Variants in NDRG1 observed in about 807,000 individuals in gnomAD.
The protein encoded by NDRG1 is N-myc downstream regulated 1.
In NDRG1, 32 loss-of-function variants were observed where a neutral mutation model predicts 56.9. The observed-to-expected ratio is 0.56, with a 90% CI of 0.42 to 0.76. NDRG1 has a LOEUF of 0.76. Ranked by LOEUF, NDRG1 falls within the 30% of genes least tolerant of loss-of-function variation. The pLI is 0.00. For missense variants in NDRG1, 507 were observed against 545.7 expected (o/e 0.93, Z 0.71); for synonymous variants, 211 against 204.1 (o/e 1.03, Z -0.29).
At chr8:133,284,066 A>C (rs1857962267) in intron 2 of NDRG1, among the ~76,000 whole-genome samples, 183 bp downstream of exon 2, 1 of 152,202 alleles carries the variant, frequency 6.6e-6, no homozygotes, top group Non-Finnish European at 1.5e-5. Context: ...GTGTGTACGC[A>C]TGTGTGTCTG....
rs181825078 is a variant in NDRG1 at position 133,254,883 on chromosome 8, C to T, written c.538-288G>A. On this transcript the variant is annotated intron_variant, in intron 8 of 15. Transcript: ENST00000323851. ...TGAATAAAGACCCAGCTACTGCTAG[C>T]TTACCCTGCTCCAAACATTCACCAA... 3.3e-4 allele frequency: 148 copies of T among 453,394 alleles called. 2 individuals are homozygous for T. In the East Asian group the frequency reaches 5.7e-3, roughly 18 times the overall value. 28.1% of individuals were successfully genotyped at this position (453,394 alleles called of 1,614,324 possible). A position where few individuals can be genotyped will look rare whatever the true frequency, so the allele number is the denominator to read the frequency against.
rs535396194 is a variant in NDRG1, at chr8:133,238,820, G to C, written c.*58C>G. On this transcript the variant is annotated 3_prime_UTR_variant, in exon 16 of 16. Transcript: ENST00000323851. ...GGCAGGCAGGGGGCGAAAAGGGGCC[G>C]GGGAGGAGGGGGCCACTACAGAGAT... 6.6e-6 allele frequency: 10 copies of C among 1,518,168 alleles called. No homozygotes were observed. The highest frequency in any genetic ancestry group is 8.8e-6 in the Non-Finnish European group (10 of 1,135,792). 94.0% of individuals were successfully genotyped at this position (1,518,168 alleles called of 1,614,324 possible). A position where few individuals can be genotyped will look rare whatever the true frequency, so the allele number is the denominator to read the frequency against.
chr8:133,286,037 A>C (rs536498977), intron 1 of NDRG1, among the ~76,000 whole-genome samples: 1 of 152,262 alleles, frequency 6.6e-6, no homozygotes, highest in East Asian at 1.9e-4. Context: ...CCTGCTCAGC[A>C]AAGCGCGCCA....
intron 5 of NDRG1, among the ~76,000 whole-genome samples, chr8:133,261,324 G>A (rs192951147): frequency 6.6e-6 from 1 of 152,008 alleles, no homozygotes; most frequent in Non-Finnish European, 1.5e-5. Flanking sequence ...CGGAGACAGG[G>A]TTTCACCATG....
intron 1 of NDRG1, among the ~76,000 whole-genome samples, chr8:133,294,469 T>C (rs1478154413): frequency 3.3e-5 from 5 of 152,196 alleles, no homozygotes; most frequent in Non-Finnish European, 7.3e-5. Context: ...TCATCACGCT[T>C]TCTCTCCCAG....
At chr8:133,294,907 C>T (rs1027846940) in intron 1 of NDRG1, among the ~76,000 whole-genome samples, 1 of 152,214 alleles carries the variant, frequency 6.6e-6, no homozygotes, top group East Asian at 1.9e-4. Flanking sequence ...GAACCCTTTC[C>T]ACTGCCTTCA....
intron 1 of NDRG1, chr8:133,296,696 C>CACACAG (rs1554596966): frequency 2.0e-5 from 1 of 50,574 alleles, no homozygotes; most frequent in African/African-American, 7.1e-4. Flanking sequence ...CAGACACAGA[C>CACACAG]ACACACACAC....
At chr8:133,279,051 G>T (rs1857623627) in intron 3 of NDRG1, among the ~76,000 whole-genome samples, 2 of 152,100 alleles carry the variant, frequency 1.3e-5, no homozygotes, top group South Asian at 4.2e-4. Flanking sequence ...CACCATGCCT[G>T]GCTAATTTTT....
intron 5 of NDRG1, among the ~76,000 whole-genome samples, chr8:133,260,960 A>T (rs1398633916): frequency 1.3e-5 from 2 of 152,120 alleles, no homozygotes; most frequent in Non-Finnish European, 2.9e-5. Context: ...CACAAGGGGA[A>T]ATTGAAAGGC....
At chr8:133,247,384 T>C (rs1001537987) in intron 12 of NDRG1, among the ~76,000 whole-genome samples, 2 of 152,172 alleles carry the variant, frequency 1.3e-5, no homozygotes, top group African/African-American at 2.4e-5. Flanking sequence ...AAGTCTTCCA[T>C]CTCCCCAGCT....
intron 1 of NDRG1, among the ~76,000 whole-genome samples, chr8:133,292,002 A>G (rs1409233583): frequency 6.6e-6 from 1 of 152,132 alleles, no homozygotes; most frequent in Non-Finnish European, 1.5e-5. Context: ...CTTTTCTGCA[A>G]TACAACCGAG....
Position 133,237,503 on chromosome 8 carries a change from A to T in NDRG1, c.*1375T>A. The T allele has an allele frequency of 4.3e-6, 1 of 233,142 alleles. No individual in the cohort carries two copies. Among genetic ancestry groups the T allele is most frequent in the East Asian group, 6.0e-5 (1 of 16,580 alleles). The allele number at this position is 233,142 out of a possible 1,614,324, so 14.4% of individuals were successfully genotyped here. A position where few individuals can be genotyped will look rare whatever the true frequency, so the allele number is the denominator to read the frequency against. On this transcript the variant is annotated 3_prime_UTR_variant, in exon 16 of 16. Transcript: ENST00000323851. ...AGAAAATCCACGGTGAGCCAAAATGAAAAGTACAAGGCAGTAGTACAGGAA... is the reference window on the plus strand; with the variant it reads ...AGAAAATCCACGGTGAGCCAAAATGTAAAGTACAAGGCAGTAGTACAGGAA...
intron 11 of NDRG1, 44 bp downstream of exon 11, chr8:133,248,663 TTATAGTGG>T: frequency 1.2e-6 from 2 of 1,605,940 alleles, no homozygotes; most frequent in Admixed American, 3.3e-5. Context: ...AAGGCCACCT[TTATAGTGG>T]GCAGCCCCGA....
chr8:133,287,603 G>A (rs1858190407), intron 1 of NDRG1, among the ~76,000 whole-genome samples: 6 of 152,208 alleles, frequency 3.9e-5, no homozygotes, highest in Admixed American at 2.6e-4. Context: ...CAGAGCAGAT[G>A]CTGTCTGGAC....
chr8:133,254,236 G>A (rs185909096), intron 9 of NDRG1, among the ~76,000 whole-genome samples: 226 of 152,310 alleles, frequency 1.5e-3, no homozygotes, highest in Admixed American at 4.4e-3. Context: ...GAGTGATGGA[G>A]ACGTTATTCT....
rs769654928 is a variant in NDRG1, at chr8:133,238,896, G to A, written c.1167C>T (p.Ser389=). The A allele has an allele frequency of 1.9e-6, 3 of 1,556,474 alleles. No homozygotes were observed. In the Admixed American group the frequency reaches 5.8e-5, roughly 30 times the overall value. The stretch of plus-strand genomic sequence containing the variant: ...AGGCCGCCTAGCAGGAGACCTCCAT[G>A]GACTTGGGCCCGGCGCTGTTCCCAG... ...GAAGNSAGPK[S]MEVSC The change falls in exon 16 of 16, where the codon TCC becomes TCT. Residue 389 remains serine, a synonymous_variant. Transcript: ENST00000323851.
intron 13 of NDRG1, 69 bp from the exon 14 acceptor site, chr8:133,244,459 T>C: frequency 6.3e-7 from 1 of 1,590,098 alleles, no homozygotes; most frequent in Non-Finnish European, 8.6e-7. Context: ...ATGAATTTTT[T>C]CCGAAAGGAT....
intron 3 of NDRG1, among the ~76,000 whole-genome samples, chr8:133,275,320 T>C (rs886787179): frequency 3.3e-5 from 5 of 152,236 alleles, no homozygotes; most frequent in Non-Finnish European, 5.9e-5. Context: ...GGTAACAACC[T>C]TGAAAAGTGT....
chr8:133,278,544 T>C (rs1255793587), intron 3 of NDRG1, among the ~76,000 whole-genome samples: 1 of 152,116 alleles, frequency 6.6e-6, no homozygotes, highest in Non-Finnish European at 1.5e-5. Flanking sequence ...CCTCAGCACA[T>C]GAGTGGTGCG....
Sources: gnomAD v4.1 joint callset for allele counts (sites outside exome capture counted in the v4.1 genomes callset) on GRCh38, gnomAD v4.1.1 for gene constraint, MANE v1.5 for transcripts, NCBI Gene and HGNC (gene_info 2026-07-23, HGNC 2026-07-21) for gene names.